The following DDHD1 variants were observed in gnomAD, a reference collection of about 807,000 sequenced individuals.
DDHD1 encodes DDHD domain containing 1, also known as phospholipase DDHD1.
Under a neutral mutation model 96.4 loss-of-function variants are expected in DDHD1, and 49 were observed. The observed-to-expected ratio is 0.51, with a 90% CI of 0.40 to 0.64. The LOEUF (loss-of-function observed/expected upper bound fraction) is 0.64, where lower values mean the gene tolerates loss of function less well. Among genes scored for constraint, DDHD1 ranks in the 30% least tolerant of loss-of-function variants. The pLI is 0.00. For missense variants in DDHD1, 1,106 were observed against 1,161.2 expected, an observed-to-expected ratio of 0.95 and a Z score of 0.69; for synonymous variants, 442 against 446.5, an observed-to-expected ratio of 0.99 and a Z score of 0.13.
chr14:53,104,106 A>G (rs568049157), intron 1 of DDHD1, among the ~76,000 whole-genome samples: 3 of 152,166 alleles, frequency 2.0e-5, no homozygotes, highest in South Asian at 2.1e-4. Context: ...TAATTTTTAT[A>G]TTATTCTGGT....
rs1457670441 is a variant in DDHD1, at chr14:53,055,908, T to C, written c.1997A>G (p.Tyr666Cys). The change falls in exon 10 of 13, where the codon TAT (tyrosine) becomes TGT (cysteine). Residue 666 changes from tyrosine to cysteine, a missense_variant. Tyr to Cys is a radical substitution (Grantham distance 194, BLOSUM62 -2). Around this residue, in one of 2 missense-constraint regions of DDHD1, gnomAD observed 650 missense variants for 758.8 expected, o/e 0.86. Coordinates refer to ENST00000673822, the MANE Select transcript of DDHD1 (RefSeq NM_001160148.2). ...TTTCAGTATTAATGGTTCTAATCTATAAGCCTTGATTTAAAAAAAAAAATT... is the reference window on the plus strand; with the variant it reads ...TTTCAGTATTAATGGTTCTAATCTACAAGCCTTGATTTAAAAAAAAAAATT... The part of the protein sequence containing the change: ...NIFHPTDPVA[Y>C]RLEPLILKHY... 6.2e-7 allele frequency: 1 copy of C among 1,604,476 alleles called. No individual in the cohort carries two copies. The highest frequency in any genetic ancestry group is 8.5e-7 in the Non-Finnish European group (1 of 1,175,382).
intron 2 of DDHD1, among the ~76,000 whole-genome samples, chr14:53,094,668 C>T (rs1886724017): frequency 6.6e-6 from 1 of 150,684 alleles, no homozygotes; most frequent in Admixed American, 6.6e-5. Context: ...TAATGAGACC[C>T]CGTCTCTTAA....
intron 1 of DDHD1, among the ~76,000 whole-genome samples, chr14:53,109,310 C>T (rs943656549): frequency 6.6e-6 from 1 of 152,138 alleles, no homozygotes; most frequent in African/African-American, 2.4e-5. Flanking sequence ...TATAAATTAC[C>T]AAGTCCTAGG....
rs141221965 is a variant in DDHD1, at chr14:53,058,452, A to T, written c.1992+25T>A. The T allele has an allele frequency of 4.8e-4, 760 of 1,581,114 alleles. 4 individuals are homozygous for T. In the East Asian group the frequency reaches 0.015, roughly 30 times the overall value. ...TTAGGAACAATTTGACATTGAGAAA[A>T]AAAAGAGTCTATATTGCAACTCACC... On this transcript the variant is annotated intron_variant, in intron 9 of 12. Transcript: ENST00000673822.
At chr14:53,110,583 AT>A (rs1449737701) in intron 1 of DDHD1, among the ~76,000 whole-genome samples, 4 of 152,074 alleles carry the variant, frequency 2.6e-5, no homozygotes, top group African/African-American at 9.7e-5. Flanking sequence ...GTCTGTCAGT[AT>A]TTTTCTTAAC....
chr14:53,110,923 C>G (rs1288089496), intron 1 of DDHD1, among the ~76,000 whole-genome samples: 1 of 152,160 alleles, frequency 6.6e-6, no homozygotes, highest in Non-Finnish European at 1.5e-5. Flanking sequence ...CTGCAGTGAG[C>G]TGAGATCACA....
intron 1 of DDHD1, among the ~76,000 whole-genome samples, chr14:53,127,436 GA>G (rs1243207889): frequency 1.3e-5 from 2 of 152,148 alleles, no homozygotes; most frequent in Non-Finnish European, 2.9e-5. Context: ...TTACAATGGG[GA>G]TTAATAAAAT....
At chr14:53,052,187 G>C (rs1595085104) in intron 11 of DDHD1, among the ~76,000 whole-genome samples, 1 of 151,994 alleles carries the variant, frequency 6.6e-6, no homozygotes, top group East Asian at 1.9e-4. Context: ...TCCTAACCTA[G>C]ATGCAAAACA....
chr14:53,141,661 C>T (rs980919473), intron 1 of DDHD1, among the ~76,000 whole-genome samples: 6 of 152,144 alleles, frequency 3.9e-5, no homozygotes, highest in Non-Finnish European at 8.8e-5. Context: ...AAGAGTATTC[C>T]GTTGTCTTCA....
At chr14:53,138,375 G>C (rs1438798212) in intron 1 of DDHD1, among the ~76,000 whole-genome samples, 1 of 152,176 alleles carries the variant, frequency 6.6e-6, no homozygotes, top group Admixed American at 6.5e-5. Flanking sequence ...GCTGCAGTGA[G>C]CCAAAATTGT....
Position 53,115,118 on chromosome 14 carries a change from G to A in DDHD1, c.839-11262C>T, listed in dbSNP as rs566746793. ...AGCCAAATCGATCAAGTGGAAGAAA[G>A]GATATCAGGGACTGAAGATCACCTG... On this transcript the variant is annotated intron_variant, in intron 1 of 12. Coordinates refer to ENST00000673822, the MANE Select transcript of DDHD1 (RefSeq NM_001160148.2). 2.6e-5 allele frequency among the ~76,000 whole-genome samples: 4 copies of A among 152,196 alleles called. No homozygotes were observed. The East Asian group carries it at 7.7e-4, about 29-fold the overall frequency.
intron 1 of DDHD1, among the ~76,000 whole-genome samples, chr14:53,115,411 A>G (rs934180783): frequency 1.3e-5 from 2 of 152,192 alleles, no homozygotes; most frequent in Non-Finnish European, 2.9e-5. Flanking sequence ...GAGCAACCCC[A>G]AGACACATAA....
intron 4 of DDHD1, among the ~76,000 whole-genome samples, chr14:53,076,511 AT>A (rs1434826873): frequency 6.6e-6 from 1 of 152,190 alleles, no homozygotes; most frequent in Non-Finnish European, 1.5e-5. Flanking sequence ...TATTGTTGAA[AT>A]GGCAACAAAG....
intron 1 of DDHD1, among the ~76,000 whole-genome samples, chr14:53,148,461 C>T (rs768336398): frequency 4.6e-5 from 7 of 152,132 alleles, no homozygotes; most frequent in Middle Eastern, 3.4e-3. Flanking sequence ...TACAGACACT[C>T]GCCACCACGC....
intron 4 of DDHD1, among the ~76,000 whole-genome samples, chr14:53,090,231 C>A (rs1186095973): frequency 1.3e-5 from 2 of 152,158 alleles, no homozygotes; most frequent in Non-Finnish European, 2.9e-5. Context: ...ACAACAGGTG[C>A]TGGAGAGGAT....
intron 1 of DDHD1, among the ~76,000 whole-genome samples, chr14:53,116,713 C>A (rs1206257189): frequency 6.6e-6 from 1 of 152,182 alleles, no homozygotes; most frequent in Non-Finnish European, 1.5e-5. Context: ...TTCTGGGACA[C>A]AGCTAAAGCG....
At chr14:53,052,228 T>C (rs1882650711) in intron 11 of DDHD1, among the ~76,000 whole-genome samples, 2 of 152,036 alleles carry the variant, frequency 1.3e-5, no homozygotes, top group South Asian at 4.1e-4. Flanking sequence ...TTGCATTATA[T>C]GTTAGAAAAG....
At chr14:53,126,652 G>C (rs192588832) in intron 1 of DDHD1, among the ~76,000 whole-genome samples, 2 of 152,324 alleles carry the variant, frequency 1.3e-5, no homozygotes, top group Admixed American at 1.3e-4. Context: ...ATAGGCATGA[G>C]CCACCCACCC....
intron 1 of DDHD1, among the ~76,000 whole-genome samples, chr14:53,141,577 A>G (rs1369761522): frequency 6.6e-6 from 1 of 152,236 alleles, no homozygotes; most frequent in African/African-American, 2.4e-5. Flanking sequence ...CTGGTCACAC[A>G]AAAGTGTTAG....
Sources: gnomAD v4.1 joint callset for allele counts (sites outside exome capture counted in the v4.1 genomes callset) on GRCh38, gnomAD v4.1.1 for gene constraint, gnomAD v4.1.1 regional missense constraint, MANE v1.5 for transcripts, NCBI Gene and HGNC (gene_info 2026-07-23, HGNC 2026-07-21) for gene names.